Variants in TENM4 observed in about 807,000 individuals in gnomAD.
The protein encoded by TENM4 is teneurin-4.
In TENM4, 82 loss-of-function variants were observed where a neutral mutation model predicts 243.3. The observed-to-expected ratio is 0.34, with a 90% CI of 0.28 to 0.40. TENM4 has a LOEUF of 0.40. TENM4 is among the 10% of genes least tolerant of loss of function. The pLI is 1.00. For missense variants in TENM4, 3,138 were observed against 3,673.3 expected, an observed-to-expected ratio of 0.85 and a Z score of 3.77; for synonymous variants, 1,412 against 1,456.3, an observed-to-expected ratio of 0.97 and a Z score of 0.69.
At chr11:79,002,105 C>CA (rs1858344717) in intron 6 of TENM4, among the ~76,000 whole-genome samples, 1 of 152,178 alleles carries the variant, frequency 6.6e-6, no homozygotes. Context: ...CCCACCCCCC[C>CA]ACTGATACAT....
At chr11:78,912,899 T>C (rs554420050) in intron 6 of TENM4, among the ~76,000 whole-genome samples, 3 of 152,210 alleles carry the variant, frequency 2.0e-5, no homozygotes, top group Non-Finnish European at 2.9e-5. Flanking sequence ...TCACAACATA[T>C]ACTCCACCAA....
intron 1 of TENM4, among the ~76,000 whole-genome samples, chr11:79,439,987 C>G (rs1336400487): frequency 4.6e-5 from 7 of 152,016 alleles, no homozygotes; most frequent in Non-Finnish European, 8.8e-5. Flanking sequence ...GTCGCATCTC[C>G]AGGATCTGAG....
At position 79,163,768 on chromosome 11, in the gene TENM4, TAC is replaced by T. The variant is rs199622775; in HGVS notation, c.-162-14964_-162-14963del. ...ATACTCCATGGTATGTGTATATATATACACACACATACATATATATATACACA... is the reference window on the plus strand; with the variant it reads ...ATACTCCATGGTATGTGTATATATATACACACATACATATATATATACACA... On this transcript the variant is annotated intron_variant, in intron 3 of 33. Transcript: ENST00000278550. Among the ~76,000 whole-genome samples, 1,204 of 125,578 alleles carry T rather than the reference TAC, an allele frequency of 9.6e-3. 13 individuals carry two copies. The highest frequency in any genetic ancestry group is 0.034 in the African/African-American group (1,089 of 32,354). The allele number at this position is 125,578 out of a possible 152,430, so 82.4% of individuals were successfully genotyped here. A position where few individuals can be genotyped will look rare whatever the true frequency, so the allele number is the denominator to read the frequency against.
At chr11:79,396,210 C>T (rs1858340874) in intron 1 of TENM4, among the ~76,000 whole-genome samples, 1 of 152,182 alleles carries the variant, frequency 6.6e-6, no homozygotes, top group South Asian at 2.1e-4. Context: ...TCCAACCACT[C>T]CAACTGTATG....
chr11:79,126,682 T>TA (rs948366000), intron 4 of TENM4, among the ~76,000 whole-genome samples: 40 of 152,162 alleles, frequency 2.6e-4, no homozygotes, highest in African/African-American at 8.9e-4. Context: ...ATTTGAATAA[T>TA]AAAAAAACAG....
chr11:79,433,701 G>T lies in TENM4; in HGVS notation c.-321+6808C>A, dbSNP rs1859213698. Among the ~76,000 whole-genome samples the T allele has an allele frequency of 1.3e-5, 2 of 152,308 alleles. 1 individual carries two copies. The highest frequency in any genetic ancestry group is 4.1e-4 in the South Asian group (2 of 4,822). The stretch of plus-strand genomic sequence containing the variant: ...CAGAACACACAGGGAAAGGGAACCG[G>T]GGTGCTGACCACTGCTCTGGAGATC... On this transcript the variant is annotated intron_variant, in intron 1 of 33. Coordinates refer to ENST00000278550, the MANE Select transcript of TENM4 (RefSeq NM_001098816.3).
chr11:79,121,520 T>C (rs78207817), intron 4 of TENM4, among the ~76,000 whole-genome samples: 2,274 of 152,284 alleles, frequency 0.015, 44 homozygotes, highest in African/African-American at 0.041. Context: ...TAAAGGACCA[T>C]GCGGCGGAGT....
At chr11:78,792,479 G>A (rs532424375) in intron 15 of TENM4, among the ~76,000 whole-genome samples, 2 of 152,066 alleles carry the variant, frequency 1.3e-5, no homozygotes, top group South Asian at 2.1e-4. Context: ...CTGGCAACAC[G>A]TGAGCTCTTC....
At position 78,709,028 on chromosome 11, in the gene TENM4, C is replaced by T. The variant is rs867130338; in HGVS notation, c.4055-513G>A. ...TGTCACCCAGGCTGTAGTGCAGTGG[C>T]GCGATCTCGGCTCACTGCAACCTCT... On this transcript the variant is annotated intron_variant, in intron 26 of 33. Coordinates refer to ENST00000278550, the MANE Select transcript of TENM4 (RefSeq NM_001098816.3). Among the ~76,000 whole-genome samples the T allele has an allele frequency of 8.8e-5, 13 of 147,092 alleles. No homozygotes were observed. The South Asian group carries it at 1.1e-3, about 12-fold the overall frequency.
At chr11:79,339,488 C>G (rs1482210701) in intron 1 of TENM4, among the ~76,000 whole-genome samples, 1 of 152,180 alleles carries the variant, frequency 6.6e-6, no homozygotes, top group East Asian at 1.9e-4. Context: ...CTGTGCAGAG[C>G]TGGCAGGCCC....
intron 6 of TENM4, among the ~76,000 whole-genome samples, chr11:78,997,710 A>G (rs571033840): frequency 6.6e-6 from 1 of 152,340 alleles, no homozygotes; most frequent in South Asian, 2.1e-4. Flanking sequence ...TACAGGCCTC[A>G]AGTCAGCAAG....
At chr11:78,960,076 A>G (rs1857285268) in intron 6 of TENM4, among the ~76,000 whole-genome samples, 1 of 152,182 alleles carries the variant, frequency 6.6e-6, no homozygotes, top group South Asian at 2.1e-4. Context: ...ACTGAGGCTT[A>G]GAAAGACAGT....
rs147972562 is a variant in TENM4, at chr11:79,120,328, T to C, written c.-66+28382A>G. Among the ~76,000 whole-genome samples the C allele has an allele frequency of 2.6e-5, 4 of 152,340 alleles. No homozygotes were observed. In the East Asian group the frequency reaches 7.7e-4, roughly 29 times the overall value. Reference sequence around the variant, plus strand: ...ACACAGTAACACCTGTACTCACTTATTCTGCTGAAATTAAATCAAGAGGCA... The same window carrying C: ...ACACAGTAACACCTGTACTCACTTACTCTGCTGAAATTAAATCAAGAGGCA... On this transcript the variant is annotated intron_variant, in intron 4 of 33. Coordinates refer to ENST00000278550, the MANE Select transcript of TENM4 (RefSeq NM_001098816.3).
intron 12 of TENM4, among the ~76,000 whole-genome samples, chr11:78,835,032 C>G (rs1026685472): frequency 8.5e-5 from 13 of 152,104 alleles, no homozygotes; most frequent in African/African-American, 2.7e-4. Flanking sequence ...CTTGCTGGCT[C>G]TTGTCTCTTA....
chr11:79,181,979 T>C (rs1380398271), intron 3 of TENM4, among the ~76,000 whole-genome samples: 1 of 151,432 alleles, frequency 6.6e-6, no homozygotes, highest in African/African-American at 2.4e-5. Flanking sequence ...TCCACGTTTA[T>C]AAACAGGAAG....
chr11:79,314,674 G>A (rs1255121970), intron 1 of TENM4, among the ~76,000 whole-genome samples: 2 of 152,240 alleles, frequency 1.3e-5, no homozygotes, highest in Non-Finnish European at 2.9e-5. Context: ...GGGAGTCTAG[G>A]ACATTTTGCA....
chr11:78,661,369 T>G, intron 33 of TENM4, 80 bp downstream of exon 33: 1 of 1,525,974 alleles, frequency 6.6e-7, no homozygotes. Context: ...CACTGGCCCA[T>G]GCTTTTCTGA....
chr11:78,947,620 G>A (rs1002641422), intron 6 of TENM4, among the ~76,000 whole-genome samples: 1 of 152,194 alleles, frequency 6.6e-6, no homozygotes, highest in African/African-American at 2.4e-5. Context: ...AGAGTGCGGG[G>A]GCAAGGCTGA....
chr11:79,427,513 A>C (rs1417210136), intron 1 of TENM4, among the ~76,000 whole-genome samples: 3 of 152,196 alleles, frequency 2.0e-5, no homozygotes, highest in African/African-American at 7.2e-5. Flanking sequence ...ATGTGCTCCA[A>C]ATTATGGTGG....
Sources: allele counts gnomAD v4.1 joint callset (sites outside exome capture counted in the v4.1 genomes callset), GRCh38; gene constraint gnomAD v4.1.1; transcripts MANE v1.5; gene names NCBI Gene and HGNC (gene_info 2026-07-23, HGNC 2026-07-21).